ROGDI: variants seen among roughly 807,000 people sequenced by gnomAD.
ROGDI encodes protein rogdi homolog.
A neutral mutation model predicts 43.1 loss-of-function variants in ROGDI; 46 were observed. The observed-to-expected ratio is 1.07, with a 90% CI of 0.84 to 1.37. The LOEUF (loss-of-function observed/expected upper bound fraction) is 1.37. Ranked by LOEUF, ROGDI falls within the 40% of genes most tolerant of loss-of-function variation. ROGDI has a pLI of 0.00. For synonymous variants in ROGDI, 243 were observed against 162.0 expected, an observed-to-expected ratio of 1.50 and a Z score of -3.80; for missense variants, 518 against 383.9, an observed-to-expected ratio of 1.35 and a Z score of -2.92.
intron 6 of ROGDI, among the ~76,000 whole-genome samples, chr16:4,799,295 G>A (rs2082690346): frequency 6.6e-6 from 1 of 152,060 alleles, no homozygotes; most frequent in South Asian, 2.1e-4. Context: ...TAGTCTATCT[G>A]GTTCTAAGTG....
chr16:4,800,371 G>A, intron 5 of ROGDI, 127 bp downstream of exon 5: 2 of 754,550 alleles, frequency 2.7e-6, no homozygotes, highest in South Asian at 3.6e-5. Flanking sequence ...TTGCTGTTAG[G>A]AAACACCCTC....
chr16:4,802,260 C>G, intron 2 of ROGDI, 122 bp downstream of exon 2: 1 of 936,182 alleles, frequency 1.1e-6, no homozygotes. Context: ...GGGGCCCTGC[C>G]TGAAAGCCGC....
At chr16:4,797,583 A>G in intron 10 of ROGDI, 82 bp from the exon 11 acceptor site, 10 of 589,600 alleles carry the variant, frequency 1.7e-5, no homozygotes, top group Non-Finnish European at 2.0e-5. Context: ...CAAGGACAAT[A>G]TGTCAGGACA....
In ROGDI at chr16:4,797,814, A is replaced by G; in HGVS notation, c.722T>C (p.Val241Ala). 6.2e-7 allele frequency: 1 copy of G among 1,612,402 alleles called. No individual in the cohort carries two copies. Among genetic ancestry groups the G allele is most frequent in the African/African-American group, 1.3e-5 (1 of 74,928 alleles). Residue 241 changes from valine to alanine, a missense_variant, in exon 10 of 11, where the codon GTG (valine) becomes GCG (alanine). Transcript: ENST00000322048. Reference protein sequence around the residue: ...MFEWGSQRLEVSHVHKVECVI... With the variant: ...MFEWGSQRLEASHVHKVECVI... ...GCACTCCACTTTGTGCACGTGGCTC[A>G]CCTCCAGGCGCTGAGAGCCCCACTC...
Position 4,797,210 on chromosome 16 carries a change from A to G in ROGDI, c.*250T>C. 2.1e-6 allele frequency: 1 copy of G among 471,874 alleles called. No individual in the cohort carries two copies. The highest frequency in any genetic ancestry group is 3.8e-6 in the Non-Finnish European group (1 of 261,478). 29.2% of individuals were successfully genotyped at this position (471,874 alleles called of 1,614,324 possible). A position where few individuals can be genotyped will look rare whatever the true frequency, so the allele number is the denominator to read the frequency against. On this transcript the variant is annotated 3_prime_UTR_variant, in exon 11 of 11. Transcript: ENST00000322048. ...GTCCAAAGATTCCCATGGTGATCAG[A>G]GGGCGGTGTTGGGAATGTGGGACAC...
Position 4,798,635 on chromosome 16 carries a change from T to C in ROGDI, c.465A>G (p.Arg155=), listed in dbSNP as rs1367837038. The C allele has an allele frequency of 6.4e-7, 1 of 1,573,710 alleles. No homozygotes were observed. Among genetic ancestry groups the C allele is most frequent in the African/African-American group, 1.3e-5 (1 of 74,686 alleles). Residue 155 remains arginine (R), a synonymous_variant, in exon 7 of 11, where the codon AGA becomes AGG. Transcript: ENST00000322048. ...LMDAVMLQLT[R]ARNRLTTPAT... is the part of the protein sequence containing the mutation. ...CGGGGGTGGTGAGCCGGTTTCGGGC[T>C]CTGGTCAGCTGCAGCATCACTGCGT...
chr16:4,801,914 C>A, intron 2 of ROGDI: 2 of 562,788 alleles, frequency 3.6e-6, no homozygotes, highest in South Asian at 3.6e-5. Context: ...TTATGGTAAC[C>A]CGCGGTCCTG....
intron 10 of ROGDI, 43 bp from the exon 11 acceptor site, chr16:4,797,544 G>C: frequency 8.2e-7 from 1 of 1,222,252 alleles, no homozygotes; most frequent in Non-Finnish European, 1.0e-6. Flanking sequence ...AGGGGGATGG[G>C]GTAGCCCAGG....
chr16:4,799,674 G>T lies in ROGDI; in HGVS notation c.432+12C>A. 4.4e-6 allele frequency: 7 copies of T among 1,605,198 alleles called. No individual in the cohort carries two copies. The highest frequency in any genetic ancestry group is 6.0e-6 in the Non-Finnish European group (7 of 1,173,224). ...GGACTAGGCCCAGGAGTCAGGCCCG[G>T]GGGCAGCTCACCTTGAGGACCTCAG... On this transcript the variant is annotated intron_variant, in intron 6 of 10. Transcript: ENST00000322048.
chr16:4,802,362 G>T lies in ROGDI; in HGVS notation c.117+20C>A, dbSNP rs775190336. The T allele has an allele frequency of 3.2e-6, 5 of 1,555,244 alleles. No homozygotes were observed. In the East Asian group the frequency reaches 9.4e-5, roughly 29 times the overall value. ...GAGGGAGGGCCGCCACGCCCGGCGG[G>T]GCAGGGCGCGGGTCGTTACCTTGAG... is the stretch of plus-strand genomic sequence containing the variant. On this transcript the variant is annotated intron_variant, in intron 2 of 10. Coordinates refer to ENST00000322048, the MANE Select transcript of ROGDI (RefSeq NM_024589.3).
At chr16:4,797,648 C>T (rs2082667578) in intron 10 of ROGDI, 66 bp downstream of exon 10, 1 of 1,609,362 alleles carries the variant, frequency 6.2e-7, no homozygotes, top group African/African-American at 1.3e-5. Context: ...GGTTGGGGCG[C>T]TCTGAGGGTG....
chr16:4,800,011 G>A (rs1466490705), intron 5 of ROGDI, among the ~76,000 whole-genome samples: 3 of 152,166 alleles, frequency 2.0e-5, no homozygotes, highest in African/African-American at 4.8e-5. Flanking sequence ...ACACAGTAAT[G>A]CCCAAGACAA....
At position 4,797,334 on chromosome 16, in the gene ROGDI, A is replaced by T; in HGVS notation, c.*126T>A. The T allele has an allele frequency of 1.3e-6, 1 of 784,724 alleles. No homozygotes were observed. The highest frequency in any genetic ancestry group is 2.7e-5 in the Admixed American group (1 of 36,410). The allele number at this position is 784,724 out of a possible 1,614,324, so 48.6% of individuals were successfully genotyped here. ...CCATTCCCGGCAGTGCAAATGTGTT[A>T]GGTGGGGTAGGGGGTGGGATAGGGA... is the stretch of plus-strand genomic sequence containing the variant. On this transcript the variant is annotated 3_prime_UTR_variant, in exon 11 of 11. Coordinates refer to ENST00000322048, the MANE Select transcript of ROGDI (RefSeq NM_024589.3).
rs147170560 is a variant in ROGDI, at chr16:4,797,965, G to A, written c.668C>T (p.Ala223Val). The A allele has an allele frequency of 3.7e-6, 6 of 1,605,852 alleles. No homozygotes were observed. The Admixed American group carries it at 6.7e-5, about 18-fold the overall frequency. ...STKNFRPAGG[A>V]VLHSPGAMFE... The stretch of plus-strand genomic sequence containing the variant: ...CATGGCCCCAGGGCTATGCAGCACC[G>A]CGCCCCCAGCTGGGCGGAAGTTCTA... Residue 223 changes from alanine (A) to valine (V), a missense_variant, in exon 9 of 11, where the codon GCG becomes GTG. Ala to Val is a moderately conservative substitution (Grantham distance 64). Transcript: ENST00000322048.
At chr16:4,798,396 A>C (rs2082680465) in intron 7 of ROGDI, 173 bp downstream of exon 7, 1 of 693,582 alleles carries the variant, frequency 1.4e-6, no homozygotes, top group Non-Finnish European at 2.4e-6. Flanking sequence ...AAACAGGGTT[A>C]ACGTATTTTA....
chr16:4,802,258 G>T, intron 2 of ROGDI, 124 bp downstream of exon 2: 1 of 901,566 alleles, frequency 1.1e-6, no homozygotes, highest in Non-Finnish European at 1.7e-6. Context: ...GCGGGGCCCT[G>T]CCTGAAAGCC....
intron 4 of ROGDI, chr16:4,800,990 T>A (rs1304081909): frequency 2.0e-6 from 1 of 509,414 alleles, no homozygotes; most frequent in East Asian, 3.2e-5. Context: ...TCAACTGTGA[T>A]GTGTGGCCAG....
At position 4,798,150 on chromosome 16, in the gene ROGDI, A is replaced by G; in HGVS notation, c.566T>C (p.Leu189Pro). The stretch of plus-strand genomic sequence containing the variant: ...GTTGAGGTTGATGTAGACGTTGACC[A>G]GCAGGTCGGACGGCAGGGCAGGGGC... ...MFAPALPSDL[L>P]VNVYINLNKL... Residue 189 changes from leucine (L) to proline (P), a missense_variant, in exon 8 of 11, where the codon CTG (leucine) becomes CCG (proline). By Grantham distance (98) the Leu-to-Pro change is moderately conservative. Transcript: ENST00000322048. 1 of 1,614,010 alleles carries G rather than the reference A, an allele frequency of 6.2e-7. No individual in the cohort carries two copies. Among genetic ancestry groups the G allele is most frequent in the South Asian group, 1.1e-5 (1 of 91,086 alleles).
rs1417043762 is a variant in ROGDI, at chr16:4,798,003, C to A, written c.646-16G>T. 6 of 1,612,928 alleles carry A rather than the reference C, an allele frequency of 3.7e-6. No homozygotes were observed. The highest frequency in any genetic ancestry group is 1.7e-4 in the Middle Eastern group (1 of 6,058). On this transcript the variant is annotated splice_polypyrimidine_tract_variant and intron_variant, in intron 8 of 10. Coordinates refer to ENST00000322048, the MANE Select transcript of ROGDI (RefSeq NM_024589.3). ...GGCGGAAGTTCTAGGGAGAACAGCA[C>A]CAGACCCGTCAGGCCTTGCAGGGCG...
Sources: gnomAD v4.1 joint callset for allele counts (sites outside exome capture counted in the v4.1 genomes callset) on GRCh38, gnomAD v4.1.1 for gene constraint, MANE v1.5 for transcripts, NCBI Gene and HGNC (gene_info 2026-07-23, HGNC 2026-07-21) for gene names.